Variants in SMYD5 observed in about 807,000 individuals in gnomAD.
SMYD5 encodes SMYD family member 5.
SMYD5 carries 35 observed loss-of-function variants against 57.4 expected under a neutral mutation model. The observed-to-expected ratio is 0.61, with a 90% CI of 0.47 to 0.81. The LOEUF (loss-of-function observed/expected upper bound fraction) is 0.81, where lower values mean the gene tolerates loss of function less well. SMYD5 is among the 30% of genes least tolerant of loss of function. The pLI is 0.00. For synonymous variants in SMYD5, 198 were observed against 189.7 expected (o/e 1.04, Z -0.36); for missense variants, 471 against 527.9 (o/e 0.89, Z 1.06).
At chr2:73,221,604 T>G (rs1686398393) in intron 5 of SMYD5, among the ~76,000 whole-genome samples, 1 of 152,110 alleles carries the variant, frequency 6.6e-6, no homozygotes, top group Non-Finnish European at 1.5e-5. Context: ...ACCCTTCTAT[T>G]AATATTGTTC....
At chr2:73,223,670 A>T in intron 9 of SMYD5, 138 bp downstream of exon 9, 1 of 709,996 alleles carries the variant, frequency 1.4e-6, no homozygotes, top group South Asian at 1.7e-5. Flanking sequence ...GGAGCTTCAG[A>T]TCTGTCCACA....
At chr2:73,221,432 C>CTTTT in intron 5 of SMYD5, among the ~76,000 whole-genome samples, 198 bp downstream of exon 5, 1 of 128,496 alleles carries the variant, frequency 7.8e-6, no homozygotes, top group Non-Finnish European at 1.7e-5. Flanking sequence ...TGCCTGTAGT[C>CTTTT]TTTTTTTTTT....
chr2:73,218,726 T>C, intron 1 of SMYD5, 135 bp from the exon 2 acceptor site: 1 of 645,828 alleles, frequency 1.5e-6, no homozygotes, highest in Non-Finnish European at 2.8e-6. Flanking sequence ...CTAACCACTC[T>C]CCATGAACTC....
chr2:73,223,566 A>G (rs369433730), intron 9 of SMYD5, 34 bp downstream of exon 9: 7 of 1,405,348 alleles, frequency 5.0e-6, no homozygotes, highest in East Asian at 4.6e-5. Flanking sequence ...TCACCCAGCC[A>G]TGGCGACCCC....
chr2:73,222,640 C>A, intron 6 of SMYD5, 115 bp from the exon 7 acceptor site: 1 of 788,162 alleles, frequency 1.3e-6, no homozygotes, highest in Non-Finnish European at 2.1e-6. Flanking sequence ...CTACGGAAAG[C>A]TCAGTCTACA....
rs1315779962 is a variant in SMYD5, at chr2:73,220,156, G to A, written c.311G>A (p.Arg104His). Residue 104 changes from arginine to histidine, a missense_variant, in exon 3 of 13, where the codon CGC (arginine) becomes CAC (histidine). Physicochemically the swap from Arg to His is conservative, Grantham distance 29 (BLOSUM62 0). Transcript: ENST00000389501. ...CCTCACCCAGAGCTGTGCACTGTGC[G>A]CAAAGACCTCCACCAGAACTGTCCC... is the stretch of plus-strand genomic sequence containing the variant. Reference protein sequence around the residue: ...VLPHPELCTVRKDLHQNCPHC... With the variant: ...VLPHPELCTVHKDLHQNCPHC... 1.2e-5 allele frequency: 19 copies of A among 1,613,978 alleles called. No homozygotes were observed. The East Asian group carries it at 1.3e-4, about 11-fold the overall frequency.
chr2:73,223,489 G>T lies in SMYD5; in HGVS notation c.840G>T (p.Gln280His). The T allele has an allele frequency of 6.2e-7, 1 of 1,614,174 alleles. No homozygotes were observed. Among genetic ancestry groups the T allele is most frequent in the Non-Finnish European group, 8.5e-7 (1 of 1,179,996 alleles). ...TLELKPQDRE[Q>H]LDAFIDQLYK... ...AGTTGAAGCCTCAGGACCGTGAGCA[G>T]CTTGACGCCTTCATTGACCAGCTAT... is the stretch of plus-strand genomic sequence containing the variant. The change falls in exon 9 of 13, where the codon CAG becomes CAT. Residue 280 changes from glutamine to histidine, a missense_variant. Coordinates refer to ENST00000389501, the MANE Select transcript of SMYD5 (RefSeq NM_006062.3).
At chr2:73,219,275 A>G (rs999996131) in intron 2 of SMYD5, among the ~76,000 whole-genome samples, 3 of 152,196 alleles carry the variant, frequency 2.0e-5, no homozygotes, top group African/African-American at 7.2e-5. Context: ...TCCTCCACCA[A>G]GAGGAGGCTA....
intron 1 of SMYD5, among the ~76,000 whole-genome samples, chr2:73,217,172 G>C (rs889181184): frequency 2.0e-5 from 3 of 152,010 alleles, no homozygotes; most frequent in Non-Finnish European, 4.4e-5. Context: ...GGCTGGTCTT[G>C]AACTCCTGAC....
intron 8 of SMYD5, 140 bp from the exon 9 acceptor site, chr2:73,223,286 G>A: frequency 2.5e-6 from 2 of 811,564 alleles, no homozygotes; most frequent in South Asian, 3.1e-5. Flanking sequence ...CCTCTGTTGG[G>A]GAAGATGGGC....
In SMYD5 at chr2:73,224,077, A is replaced by G. The variant is rs1395422704; in HGVS notation, c.940+74A>G. 17 of 1,418,458 alleles carry G rather than the reference A, an allele frequency of 1.2e-5. No homozygotes were observed. The South Asian group carries it at 1.8e-4, about 15-fold the overall frequency. The allele number at this position is 1,418,458 out of a possible 1,614,324, so 87.9% of individuals were successfully genotyped here. A position where few individuals can be genotyped will look rare whatever the true frequency, so the allele number is the denominator to read the frequency against. ...CCAGGTGGCCTTGCAGCCACAGTTTATCTTTCTCAGTTGGCCCTTTCTAGG... is the reference window on the plus strand; with the variant it reads ...CCAGGTGGCCTTGCAGCCACAGTTTGTCTTTCTCAGTTGGCCCTTTCTAGG... On this transcript the variant is annotated intron_variant, in intron 10 of 12. Coordinates refer to ENST00000389501, the MANE Select transcript of SMYD5 (RefSeq NM_006062.3).
chr2:73,222,906 G>A (rs1671253945), intron 7 of SMYD5, 89 bp downstream of exon 7: 3 of 1,516,848 alleles, frequency 2.0e-6, no homozygotes, highest in Admixed American at 1.7e-5. Flanking sequence ...TGGGACAGCT[G>A]AGCCAAAGCC....
Position 73,223,527 on chromosome 2 carries a change from A to G in SMYD5, c.878A>G (p.Glu293Gly). The G allele has an allele frequency of 6.2e-7, 1 of 1,612,324 alleles. No individual in the cohort carries two copies. Among genetic ancestry groups the G allele is most frequent in the Non-Finnish European group, 8.5e-7 (1 of 1,178,350 alleles). Residue 293 changes from glutamate (E) to glycine (G), a missense_variant, in exon 9 of 13, where the codon GAG becomes GGG. Physicochemically the swap from Glu to Gly is moderately conservative, Grantham distance 98. Transcript: ENST00000389501. ...AFIDQLYKDI[E>G]AATGEFLNCE... ...ATTGACCAGCTATACAAGGACATCG[A>G]GGCAGGTTGGTGAGATAGGGCCTTG...
chr2:73,216,038 A>G (rs1574338853), intron 1 of SMYD5, among the ~76,000 whole-genome samples: 1 of 152,168 alleles, frequency 6.6e-6, no homozygotes, highest in Non-Finnish European at 1.5e-5. Flanking sequence ...TATATAGACC[A>G]GGGGCCTCAA....
At position 73,225,877 on chromosome 2, in the gene SMYD5, G is replaced by A. The variant is rs1007256525; in HGVS notation, c.1188G>A (p.Glu396=). 8.7e-6 allele frequency: 14 copies of A among 1,614,182 alleles called. No individual in the cohort carries two copies. Among genetic ancestry groups the A allele is most frequent in the Non-Finnish European group, 1.1e-5 (13 of 1,179,982 alleles). The change falls in exon 13 of 13, where the codon GAG becomes GAA. Residue 396 remains glutamate (E), a synonymous_variant. Transcript: ENST00000389501. ...DEPNVTSEEE[E]EEEEEEEGEP... ...CCAATGTGACCTCAGAAGAGGAAGA[G>A]GAAGAGGAGGAGGAGGAGGAAGGAG...
chr2:73,220,208 G>A lies in SMYD5; in HGVS notation c.345+18G>A, dbSNP rs949929379. 6.2e-7 allele frequency: 1 copy of A among 1,612,706 alleles called. No homozygotes were observed. The highest frequency in any genetic ancestry group is 8.5e-7 in the Non-Finnish European group (1 of 1,178,894). On this transcript the variant is annotated intron_variant, in intron 3 of 12. Transcript: ENST00000389501. ...ATTGCCAAGTGAGTATTCTTGGGGA[G>A]TGTACCTGGAAGGGGGTGGGTGAGG...
At chr2:73,224,038 C>A (rs374441163) in intron 10 of SMYD5, 35 bp downstream of exon 10, 1 of 1,603,418 alleles carries the variant, frequency 6.2e-7, no homozygotes, top group Non-Finnish European at 8.5e-7. Flanking sequence ...TGGTCCCAGG[C>A]GCTTCTGCCT....
rs942369254 is a variant in SMYD5 at position 73,226,165 on chromosome 2, C to G, written c.*219C>G. The G allele has an allele frequency of 1.9e-4, 117 of 620,922 alleles. No individual in the cohort carries two copies. The highest frequency in any genetic ancestry group is 9.3e-5 in the Admixed American group (3 of 32,184). The allele number at this position is 620,922 out of a possible 1,614,324, so 38.5% of individuals were successfully genotyped here. The stretch of plus-strand genomic sequence containing the variant: ...CTGCTGAGTTGGCTCAGACTCTGCA[C>G]TGGCACTGAGCCTTTCACAACTGGC... On this transcript the variant is annotated 3_prime_UTR_variant, in exon 13 of 13. Transcript: ENST00000389501.
intron 11 of SMYD5, chr2:73,225,243 T>G (rs1686477659): frequency 1.0e-5 from 5 of 479,914 alleles, no homozygotes; most frequent in African/African-American, 3.9e-5. Context: ...ATATGTAATT[T>G]CTAAGAAAGC....
Sources: gnomAD v4.1 joint callset for allele counts (sites outside exome capture counted in the v4.1 genomes callset) on GRCh38, gnomAD v4.1.1 for gene constraint, MANE v1.5 for transcripts, NCBI Gene and HGNC (gene_info 2026-07-23, HGNC 2026-07-21) for gene names.